USH2A: variants seen among roughly 807,000 people sequenced by gnomAD.
USH2A encodes the protein Usher syndrome 2A (autosomal recessive, mild).
A neutral mutation model predicts 538.9 loss-of-function variants in USH2A; 443 were observed. The observed-to-expected ratio is 0.82, with a 90% CI of 0.76 to 0.89. USH2A has a LOEUF of 0.89. USH2A is among the 40% of genes least tolerant of loss of function. USH2A has a pLI of 0.00. For synonymous variants in USH2A, 2,413 were observed against 2,273.5 expected (o/e 1.06, Z -1.75); for missense variants, 6,633 against 6,324.8 (o/e 1.05, Z -1.65).
At chr1:216,420,025 T>C (rs1250318659) in intron 2 of USH2A, among the ~76,000 whole-genome samples, 1 of 152,104 alleles carries the variant, frequency 6.6e-6, no homozygotes, top group Non-Finnish European at 1.5e-5. Flanking sequence ...ACATAAAGGT[T>C]TTATATAAGT....
chr1:215,819,478 A>G (rs1013646480), intron 47 of USH2A, among the ~76,000 whole-genome samples: 1 of 151,838 alleles, frequency 6.6e-6, no homozygotes, highest in Admixed American at 6.6e-5. Flanking sequence ...AACTCTGTAG[A>G]TAGGAAATTA....
intron 41 of USH2A, among the ~76,000 whole-genome samples, chr1:215,887,287 T>G (rs997055799): frequency 2.6e-5 from 4 of 152,182 alleles, no homozygotes; most frequent in Admixed American, 2.6e-4. Flanking sequence ...TTTGTTTTGT[T>G]GCATCATAGT....
chr1:215,723,361 C>A (rs977953719), intron 61 of USH2A, among the ~76,000 whole-genome samples: 5 of 152,174 alleles, frequency 3.3e-5, no homozygotes, highest in African/African-American at 1.2e-4. Flanking sequence ...GCCCCCACTG[C>A]CAGTTCTCCA....
chr1:215,740,801 C>T (rs1018687385), intron 60 of USH2A, among the ~76,000 whole-genome samples: 1 of 152,052 alleles, frequency 6.6e-6, no homozygotes, highest in South Asian at 2.1e-4. Context: ...TTAGGGTGTA[C>T]GGTTTCAAGA....
At chr1:216,225,779 C>T (rs544206107) in intron 14 of USH2A, among the ~76,000 whole-genome samples, 12 of 152,202 alleles carry the variant, frequency 7.9e-5, no homozygotes, top group African/African-American at 2.9e-4. Flanking sequence ...TGGCATAAGA[C>T]TTATTTTTAT....
intron 61 of USH2A, among the ~76,000 whole-genome samples, chr1:215,725,251 G>C (rs1238248658): frequency 6.6e-6 from 1 of 152,142 alleles, no homozygotes; most frequent in African/African-American, 2.4e-5. Context: ...CTTGTGATCT[G>C]CCCGCCTCAG....
chr1:216,055,029 G>A (rs563342101), intron 30 of USH2A, among the ~76,000 whole-genome samples: 15 of 152,252 alleles, frequency 9.9e-5, no homozygotes, highest in Admixed American at 4.6e-4. Context: ...GTATTTCCAC[G>A]TTAGCAAAGG....
chr1:215,984,940 G>A (rs1431178876), intron 35 of USH2A, among the ~76,000 whole-genome samples: 1 of 152,100 alleles, frequency 6.6e-6, no homozygotes, highest in Non-Finnish European at 1.5e-5. Context: ...TTCACATTGC[G>A]GGATAATGCC....
intron 43 of USH2A, among the ~76,000 whole-genome samples, chr1:215,867,639 C>T (rs1664511008): frequency 6.6e-6 from 1 of 152,198 alleles, no homozygotes; most frequent in Admixed American, 6.5e-5. Flanking sequence ...GATACCTATG[C>T]TTCTTTCCCA....
chr1:215,766,869 G>A (rs1661148335), intron 55 of USH2A, 81 bp from the exon 56 acceptor site: 10 of 1,304,022 alleles, frequency 7.7e-6, no homozygotes, highest in Non-Finnish European at 9.9e-6. Flanking sequence ...AACATGCAGA[G>A]TTGTAGATAT....
Position 215,763,670 on chromosome 1 carries a change from A to G in USH2A, c.11047+3011T>C, listed in dbSNP as rs531957527. On this transcript the variant is annotated intron_variant, in intron 56 of 71. Coordinates refer to ENST00000307340, the MANE Select transcript of USH2A (RefSeq NM_206933.4). Reference sequence around the variant, plus strand: ...TCTTCCTGGAAGGAAATGGGACTTTATGGAGGTGAATAATATGACATATTC... The same window carrying G: ...TCTTCCTGGAAGGAAATGGGACTTTGTGGAGGTGAATAATATGACATATTC... Among the ~76,000 whole-genome samples the G allele has an allele frequency of 2.6e-5, 4 of 152,250 alleles. No homozygotes were observed. In the South Asian group the frequency reaches 8.3e-4, roughly 32 times the overall value.
chr1:215,973,656 C>CTTCTTCTTT (rs1358991956), intron 35 of USH2A, among the ~76,000 whole-genome samples: 1 of 130,952 alleles, frequency 7.6e-6, no homozygotes, highest in African/African-American at 2.9e-5. Flanking sequence ...TCTTCTTCTT[C>CTTCTTCTTT]TTTTTTTTTT....
chr1:215,711,061 G>A (rs1185304568), intron 61 of USH2A, among the ~76,000 whole-genome samples: 1 of 151,986 alleles, frequency 6.6e-6, no homozygotes, highest in Non-Finnish European at 1.5e-5. Flanking sequence ...TTTGCAATAA[G>A]AGAGATAATG....
intron 36 of USH2A, among the ~76,000 whole-genome samples, chr1:215,966,577 CTA>C (rs1028459383): frequency 6.6e-6 from 1 of 152,124 alleles, no homozygotes; most frequent in Non-Finnish European, 1.5e-5. Flanking sequence ...TTTTTAATAA[CTA>C]TGAGGTCACA....
chr1:215,650,729 C>T lies in USH2A; in HGVS notation c.14206G>A (p.Glu4736Lys), dbSNP rs12085358. ...TWCRTGPAPPEGLRAPTFHVI... is the reference protein window; with the variant it reads ...TWCRTGPAPPKGLRAPTFHVI... Reference sequence around the variant, plus strand: ...TGGAACGTGGGGGCTCTGAGACCTTCTGGTGGGGCTGGCCCGGTTCTGCAC... The same window carrying T: ...TGGAACGTGGGGGCTCTGAGACCTTTTGGTGGGGCTGGCCCGGTTCTGCAC... The change falls in exon 65 of 72, where the codon GAA (glutamate) becomes AAA (lysine). Residue 4736 changes from glutamate (E) to lysine (K), a missense_variant. Glu to Lys is a moderately conservative substitution (Grantham distance 56). Coordinates refer to ENST00000307340, the MANE Select transcript of USH2A (RefSeq NM_206933.4). The T allele has an allele frequency of 1.2e-6, 2 of 1,613,668 alleles. No homozygotes were observed. The highest frequency in any genetic ancestry group is 2.2e-5 in the East Asian group (1 of 44,836).
chr1:216,325,072 T>C (rs1354735530), intron 6 of USH2A, among the ~76,000 whole-genome samples: 1 of 152,064 alleles, frequency 6.6e-6, no homozygotes, highest in Non-Finnish European at 1.5e-5. Context: ...GAGATTGAAG[T>C]TGTGGTGCCA....
intron 64 of USH2A, among the ~76,000 whole-genome samples, chr1:215,668,707 G>A (rs955411052): frequency 2.0e-5 from 3 of 152,180 alleles, no homozygotes; most frequent in African/African-American, 7.2e-5. Context: ...TAGAGACAAG[G>A]CACATGCTTG....
At chr1:215,712,119 C>A (rs183457388) in intron 61 of USH2A, among the ~76,000 whole-genome samples, 10 of 152,222 alleles carry the variant, frequency 6.6e-5, no homozygotes, top group Admixed American at 5.9e-4. Context: ...AGGCCTTTAG[C>A]GACTCCCAAC....
At chr1:216,249,547 C>T (rs2036117786) in intron 12 of USH2A, among the ~76,000 whole-genome samples, 1 of 152,110 alleles carries the variant, frequency 6.6e-6, no homozygotes. Flanking sequence ...TCATGGATAG[C>T]ACATACAAAT....
Sources: allele counts gnomAD v4.1 joint callset (sites outside exome capture counted in the v4.1 genomes callset), GRCh38; gene constraint gnomAD v4.1.1; transcripts MANE v1.5; gene names NCBI Gene and HGNC (gene_info 2026-07-23, HGNC 2026-07-21).